SPAG16: variants seen among roughly 807,000 people sequenced by gnomAD.
SPAG16 encodes the protein sperm associated antigen 16, also known as sperm-associated antigen 16 protein.
In SPAG16, 86 loss-of-function variants were observed where a neutral mutation model predicts 80.4. The observed-to-expected ratio is 1.07, with a 90% CI of 0.90 to 1.28. The LOEUF is 1.28. Ranked by LOEUF, SPAG16 falls within the 50% of genes most tolerant of loss-of-function variation. SPAG16 has a pLI of 0.00. For synonymous variants in SPAG16, 294 were observed against 265.9 expected, an observed-to-expected ratio of 1.11 and a Z score of -1.03; for missense variants, 870 against 765.3, an observed-to-expected ratio of 1.14 and a Z score of -1.61.
At chr2:214,361,557 T>A (rs1340286836) in intron 15 of SPAG16, among the ~76,000 whole-genome samples, 4 of 151,890 alleles carry the variant, frequency 2.6e-5, no homozygotes. Context: ...CTCAAACACT[T>A]CATCCAGGTT....
chr2:214,280,970 A>T, intron 15 of SPAG16: 2 of 449,152 alleles, frequency 4.5e-6, no homozygotes, highest in Admixed American at 5.2e-5. Context: ...TGCTTTCAGA[A>T]TCATAACCGG....
At chr2:213,422,534 C>T in intron 9 of SPAG16, 2 of 475,424 alleles carry the variant, frequency 4.2e-6, no homozygotes, top group Non-Finnish European at 7.6e-6. Context: ...GCCGAGTGGG[C>T]AGAATGAGCC....
At chr2:213,496,760 A>G (rs1433998465) in intron 10 of SPAG16, among the ~76,000 whole-genome samples, 3 of 150,896 alleles carry the variant, frequency 2.0e-5, no homozygotes, top group African/African-American at 7.3e-5. Flanking sequence ...ATCCATATAT[A>G]AACTATATTA....
chr2:213,954,819 T>A (rs2106333449), intron 12 of SPAG16, among the ~76,000 whole-genome samples: 1 of 152,330 alleles, frequency 6.6e-6, no homozygotes, highest in East Asian at 1.9e-4. Context: ...CACTTGTTAT[T>A]ATCTAGTTTT....
At chr2:213,996,066 A>G (rs1200202371) in intron 12 of SPAG16, among the ~76,000 whole-genome samples, 1 of 152,224 alleles carries the variant, frequency 6.6e-6, no homozygotes. Flanking sequence ...GACTCCAGGT[A>G]GTTTCTGGTC....
At chr2:214,368,236 T>C (rs1167704028) in intron 15 of SPAG16, among the ~76,000 whole-genome samples, 4 of 152,102 alleles carry the variant, frequency 2.6e-5, no homozygotes. Flanking sequence ...TGTTCAGATA[T>C]CCCATGTTCT....
intron 12 of SPAG16, among the ~76,000 whole-genome samples, chr2:213,966,607 T>C (rs1373851075): frequency 6.6e-6 from 1 of 152,218 alleles, no homozygotes; most frequent in African/African-American, 2.4e-5. Flanking sequence ...GGGTGACTTG[T>C]ATTTTCTTTG....
intron 10 of SPAG16, among the ~76,000 whole-genome samples, chr2:213,573,655 C>A (rs993471166): frequency 6.6e-6 from 1 of 151,990 alleles, no homozygotes; most frequent in Admixed American, 6.6e-5. Context: ...TATTTTTATA[C>A]GTATTTTAAG....
intron 15 of SPAG16, among the ~76,000 whole-genome samples, chr2:214,180,848 G>A (rs1446673551): frequency 6.6e-6 from 1 of 151,578 alleles, no homozygotes; most frequent in Non-Finnish European, 1.5e-5. Context: ...TCTCACATTG[G>A]GCTAGATGCA....
At chr2:213,759,156 T>C (rs1202706147) in intron 10 of SPAG16, among the ~76,000 whole-genome samples, 1 of 152,128 alleles carries the variant, frequency 6.6e-6, no homozygotes, top group East Asian at 1.9e-4. Context: ...TGGACCTGAC[T>C]TGCAAGAAAT....
At chr2:214,123,165 A>C (rs2054302368) in intron 14 of SPAG16, among the ~76,000 whole-genome samples, 1 of 151,942 alleles carries the variant, frequency 6.6e-6, no homozygotes, top group Non-Finnish European at 1.5e-5. Flanking sequence ...AATTAATAGA[A>C]GTATTCTATC....
At chr2:213,908,826 GGTTA>G (rs1256007896) in intron 11 of SPAG16, among the ~76,000 whole-genome samples, 1 of 150,666 alleles carries the variant, frequency 6.6e-6, no homozygotes, top group Non-Finnish European at 1.5e-5. Context: ...ACAATGTGCA[GGTTA>G]GTTACATATG....
intron 11 of SPAG16, among the ~76,000 whole-genome samples, chr2:213,883,381 C>A (rs2076426218): frequency 1.3e-5 from 2 of 151,906 alleles, no homozygotes; most frequent in South Asian, 2.1e-4. Flanking sequence ...TGCTTGACTC[C>A]CAGATGATTT....
intron 13 of SPAG16, among the ~76,000 whole-genome samples, chr2:214,081,651 T>C (rs2125265298): frequency 6.6e-6 from 1 of 152,294 alleles, no homozygotes; most frequent in East Asian, 1.9e-4. Flanking sequence ...GATCTCAGAC[T>C]TGTAGTCTCC....
chr2:213,862,097 T>C (rs1230456224), intron 10 of SPAG16, among the ~76,000 whole-genome samples: 3 of 152,242 alleles, frequency 2.0e-5, no homozygotes, highest in Admixed American at 2.0e-4. Context: ...GAAAACAATG[T>C]TGATGTTCTA....
intron 10 of SPAG16, among the ~76,000 whole-genome samples, chr2:213,683,830 T>C (rs1559373680): frequency 1.3e-5 from 2 of 152,192 alleles, no homozygotes; most frequent in Non-Finnish European, 1.5e-5. Flanking sequence ...ATAATCAGCT[T>C]TGGAAAAGTT....
At chr2:213,585,016 C>T (rs1216734583) in intron 10 of SPAG16, among the ~76,000 whole-genome samples, 1 of 151,832 alleles carries the variant, frequency 6.6e-6, no homozygotes, top group Non-Finnish European at 1.5e-5. Context: ...TGGCGAAACC[C>T]CATCTCTACT....
chr2:213,860,342 GATATAT>G (rs57174578), intron 10 of SPAG16, among the ~76,000 whole-genome samples: 2,498 of 141,500 alleles, frequency 0.018, 102 homozygotes, highest in Admixed American at 0.084. Flanking sequence ...GTCATTTACA[GATATAT>G]ATATATATAT....
intron 10 of SPAG16, among the ~76,000 whole-genome samples, chr2:213,578,656 T>G (rs145501879): frequency 6.6e-6 from 1 of 152,188 alleles, no homozygotes; most frequent in East Asian, 1.9e-4. Context: ...TCTACACTTT[T>G]TGGCTAAAAT....
Sources: allele counts gnomAD v4.1 joint callset (sites outside exome capture counted in the v4.1 genomes callset), GRCh38; gene constraint gnomAD v4.1.1; transcripts MANE v1.5; gene names NCBI Gene and HGNC (gene_info 2026-07-23, HGNC 2026-07-21).